The following RHOT1 variants were observed in gnomAD, a reference collection of about 807,000 sequenced individuals.
RHOT1 encodes mitochondrial Rho GTPase 1.
Under a neutral mutation model 95.3 loss-of-function variants are expected in RHOT1, and 27 were observed. The ratio of observed to expected loss-of-function variants is 0.28; its 90% CI spans 0.21 to 0.39. The LOEUF is 0.39. Among genes scored for constraint, RHOT1 ranks in the 10% least tolerant of loss-of-function variants. RHOT1 has a pLI of 1.00. For synonymous variants in RHOT1, 227 were observed against 263.5 expected (o/e 0.86, Z 1.34); for missense variants, 578 against 786.7 (o/e 0.73, Z 3.17).
At chr17:32,197,446 A>G (rs1243629763) in intron 11 of RHOT1, among the ~76,000 whole-genome samples, 1 of 147,922 alleles carries the variant, frequency 6.8e-6, no homozygotes, top group Non-Finnish European at 1.5e-5. Context: ...ATTTTTTGAG[A>G]TGGAGTCTCG....
intron 1 of RHOT1, among the ~76,000 whole-genome samples, chr17:32,149,858 C>T (rs2032067067): frequency 6.6e-6 from 1 of 151,760 alleles, no homozygotes; most frequent in Non-Finnish European, 1.5e-5. Context: ...AAGTGATTCT[C>T]TTGCCTCAGC....
chr17:32,150,442 A>G, intron 1 of RHOT1: 1 of 708,042 alleles, frequency 1.4e-6, no homozygotes, highest in South Asian at 2.5e-5. Flanking sequence ...GAGAAATCCA[A>G]AGTCTACCAT....
chr17:32,175,534 G>A (rs184187006), intron 4 of RHOT1, among the ~76,000 whole-genome samples, 172 bp downstream of exon 4: 210 of 152,084 alleles, frequency 1.4e-3, no homozygotes, highest in African/African-American at 1.8e-3. Context: ...TTGCCTTATC[G>A]CAACCTCCAT....
At chr17:32,161,876 A>G (rs1190875845) in intron 1 of RHOT1, among the ~76,000 whole-genome samples, 1 of 152,198 alleles carries the variant, frequency 6.6e-6, no homozygotes, top group African/African-American at 2.4e-5. Context: ...GGAAAGTGCT[A>G]TATTCACGAT....
chr17:32,181,239 C>T (rs1203708265), intron 6 of RHOT1, among the ~76,000 whole-genome samples: 4 of 152,172 alleles, frequency 2.6e-5, no homozygotes, highest in Non-Finnish European at 2.9e-5. Flanking sequence ...GATTTTTCCC[C>T]ACAGACTTAT....
intron 13 of RHOT1, 118 bp downstream of exon 13, chr17:32,199,668 C>T (rs984402495): frequency 2.3e-5 from 18 of 778,332 alleles, no homozygotes; most frequent in Middle Eastern, 6.5e-4. Flanking sequence ...TCATAATTGC[C>T]TCTAAGCAAG....
chr17:32,223,077 AT>A (rs898920976), intron 19 of RHOT1, among the ~76,000 whole-genome samples: 2,495 of 147,046 alleles, frequency 0.017, 42 homozygotes, highest in African/African-American at 0.041. Flanking sequence ...GTGAGGAGTG[AT>A]TTTTTTTTTT....
At chr17:32,193,093 A>T in intron 9 of RHOT1, 43 bp from the exon 10 acceptor site, 2 of 1,204,050 alleles carry the variant, frequency 1.7e-6, no homozygotes, top group Non-Finnish European at 2.4e-6. Flanking sequence ...TTGTGGTTTT[A>T]ACGCTGGTTT....
chr17:32,210,108 AAGTCAGAT>A (rs2038025113), intron 18 of RHOT1, among the ~76,000 whole-genome samples: 1 of 152,116 alleles, frequency 6.6e-6, no homozygotes, highest in South Asian at 2.1e-4. Context: ...AAGCTAAGCC[AAGTCAGAT>A]TGGGCCAGTC....
At chr17:32,199,688 T>C in intron 13 of RHOT1, 138 bp downstream of exon 13, 1 of 600,958 alleles carries the variant, frequency 1.7e-6, no homozygotes, top group East Asian at 3.1e-5. Context: ...GATTAGCTGC[T>C]GATATCTCTA....
chr17:32,192,403 TAAACA>T, intron 9 of RHOT1, 104 bp downstream of exon 9: 1 of 695,966 alleles, frequency 1.4e-6, no homozygotes. Flanking sequence ...CAGTATGTTA[TAAACA>T]TAAGTTTCTT....
At position 32,211,169 on chromosome 17, in the gene RHOT1, G is replaced by C; in HGVS notation, c.1793G>C (p.Cys598Ser). 1 of 1,612,376 alleles carries C rather than the reference G, an allele frequency of 6.2e-7. No homozygotes were observed. Among genetic ancestry groups the C allele is most frequent in the South Asian group, 1.1e-5 (1 of 90,884 alleles). The change falls in exon 19 of 20, where the codon TGT (cysteine) becomes TCT (serine). Residue 598 changes from cysteine (C) to serine (S), a missense_variant. By Grantham distance (112) the Cys-to-Ser change is moderately radical (BLOSUM62 -1). Around this residue, in one of 4 missense-constraint regions of RHOT1, gnomAD observed 296 missense variants for 338.5 expected, o/e 0.87. Coordinates refer to ENST00000545287, the MANE Select transcript of RHOT1 (RefSeq NM_001033566.3). ...CTCNRCTFCI[C>S]QNFLNSDLLQ... ...TGCAACAGGTGTACATTTTGCATCT[G>C]TCAGAACTTCCTCAACTCAGACTTG...
chr17:32,181,215 A>C lies in RHOT1; in HGVS notation c.330-1542A>C, dbSNP rs553145477. On this transcript the variant is annotated intron_variant, in intron 6 of 19. Transcript: ENST00000545287. ...GTTCTCCACTAGGTTGGTCCTCCTT[A>C]ATATCCCCATTAAGATTTTTCCCCA... Among the ~76,000 whole-genome samples, 5 of 152,246 alleles carry C rather than the reference A, an allele frequency of 3.3e-5. No homozygotes were observed. In the East Asian group the frequency reaches 9.6e-4, roughly 29 times the overall value.
intron 19 of RHOT1, 22 bp downstream of exon 19, chr17:32,211,260 G>A (rs748891476): frequency 1.3e-6 from 2 of 1,568,540 alleles, no homozygotes; most frequent in South Asian, 2.3e-5. Context: ...TATTTACTGG[G>A]TACCAGGCAT....
intron 11 of RHOT1, among the ~76,000 whole-genome samples, chr17:32,195,512 T>C (rs1005994767): frequency 6.6e-6 from 1 of 152,164 alleles, no homozygotes; most frequent in African/African-American, 2.4e-5. Context: ...GCAGGATCCT[T>C]CTTCTATACC....
At chr17:32,208,396 A>G (rs2037903756) in intron 18 of RHOT1, 87 bp downstream of exon 18, 2 of 1,274,856 alleles carry the variant, frequency 1.6e-6, no homozygotes, top group Non-Finnish European at 2.3e-6. Context: ...TCTTTGTCAC[A>G]TAGGAATTGT....
At chr17:32,157,276 A>G (rs573805620) in intron 1 of RHOT1, among the ~76,000 whole-genome samples, 1 of 152,306 alleles carries the variant, frequency 6.6e-6, no homozygotes, top group East Asian at 1.9e-4. Context: ...ATACAGCTGC[A>G]TTTATTAAGT....
intron 1 of RHOT1, among the ~76,000 whole-genome samples, chr17:32,170,407 T>G (rs1475969406): frequency 6.6e-6 from 1 of 152,004 alleles, no homozygotes; most frequent in African/African-American, 2.4e-5. Flanking sequence ...GGAGTGAGAC[T>G]CCATCTCACA....
intron 1 of RHOT1, among the ~76,000 whole-genome samples, chr17:32,149,844 G>A (rs2032065403): frequency 6.6e-6 from 1 of 151,746 alleles, no homozygotes; most frequent in African/African-American, 2.4e-5. Context: ...CGCCTCCTGA[G>A]TTCAAGTGAT....
Sources: gnomAD v4.1 joint callset for allele counts (sites outside exome capture counted in the v4.1 genomes callset) on GRCh38, gnomAD v4.1.1 for gene constraint, gnomAD v4.1.1 regional missense constraint, MANE v1.5 for transcripts, NCBI Gene and HGNC (gene_info 2026-07-23, HGNC 2026-07-21) for gene names.